CUX1: variants seen among roughly 807,000 people sequenced by gnomAD.
The protein encoded by CUX1 is cut like homeobox 1, also known as protein CASP.
CUX1 carries 31 observed loss-of-function variants against 158.8 expected under a neutral mutation model. The observed-to-expected ratio is 0.20, with a 90% CI of 0.15 to 0.26. The LOEUF (loss-of-function observed/expected upper bound fraction) is 0.26. CUX1 is among the 10% of genes least tolerant of loss of function. CUX1 has a pLI of 1.00. For missense variants in CUX1, 1,589 were observed against 2,014.6 expected, an observed-to-expected ratio of 0.79 and a Z score of 4.04; for synonymous variants, 879 against 862.1, an observed-to-expected ratio of 1.02 and a Z score of -0.34.
chr7:101,994,558 G>C (rs900063978), intron 2 of CUX1, among the ~76,000 whole-genome samples: 2 of 152,172 alleles, frequency 1.3e-5, no homozygotes, highest in South Asian at 2.1e-4. Context: ...CCAAGATTGT[G>C]CCATTGCACT....
chr7:102,016,578 C>T lies in CUX1; in HGVS notation c.142-11520C>T, dbSNP rs373304675. ...ACTGAGCCATGACCACACCCCTGCACTCCAGCCTGGACGACAGAGCGAGAC... is the reference window on the plus strand; with the variant it reads ...ACTGAGCCATGACCACACCCCTGCATTCCAGCCTGGACGACAGAGCGAGAC... On this transcript the variant is annotated intron_variant, in intron 2 of 23. Coordinates refer to ENST00000292535, the MANE Select transcript of CUX1 (RefSeq NM_181552.4). 4.6e-5 allele frequency among the ~76,000 whole-genome samples: 7 copies of T among 152,330 alleles called. No individual in the cohort carries two copies. In the East Asian group the frequency reaches 1.3e-3, roughly 29 times the overall value.
At chr7:102,058,482 G>A (rs1285772188) in intron 3 of CUX1, among the ~76,000 whole-genome samples, 1 of 151,362 alleles carries the variant, frequency 6.6e-6, no homozygotes, top group Non-Finnish European at 1.5e-5. Context: ...AGGGTTTCAC[G>A]ATGGTGGCCA....
intron 21 of CUX1, among the ~76,000 whole-genome samples, chr7:102,231,142 G>A (rs1310236919): frequency 6.7e-6 from 1 of 150,024 alleles, no homozygotes; most frequent in Non-Finnish European, 1.5e-5. Flanking sequence ...CCATTCTCCT[G>A]CCTCAGCCTC....
intron 1 of CUX1, among the ~76,000 whole-genome samples, chr7:101,892,988 A>G (rs1256100803): frequency 1.3e-5 from 2 of 152,064 alleles, no homozygotes; most frequent in Non-Finnish European, 2.9e-5. Context: ...TTCTATTACT[A>G]GAAAATAACT....
intron 2 of CUX1, among the ~76,000 whole-genome samples, chr7:101,973,900 C>G (rs1430676543): frequency 6.6e-6 from 1 of 151,528 alleles, no homozygotes; most frequent in Non-Finnish European, 1.5e-5. Flanking sequence ...TCCCGAGTAG[C>G]TGGGATTACA....
At chr7:102,014,874 AG>A (rs1427541611) in intron 2 of CUX1, among the ~76,000 whole-genome samples, 31 of 150,658 alleles carry the variant, frequency 2.1e-4, no homozygotes, top group African/African-American at 7.5e-4. Flanking sequence ...AAAAAAAAAA[AG>A]AAAAAAAGCA....
At chr7:101,848,218 T>C (rs1025276326) in intron 1 of CUX1, among the ~76,000 whole-genome samples, 1 of 152,184 alleles carries the variant, frequency 6.6e-6, no homozygotes, top group African/African-American at 2.4e-5. Flanking sequence ...TTATTTCTTT[T>C]ATGCTTTTTC....
rs1269409797 is a variant in CUX1, at chr7:101,916,859, C to T, written c.141+634C>T. Among the ~76,000 whole-genome samples, 2 of 151,936 alleles carry T rather than the reference C, an allele frequency of 1.3e-5. No homozygotes were observed. Among genetic ancestry groups the T allele is most frequent in the South Asian group, 2.1e-4 (1 of 4,804 alleles). On this transcript the variant is annotated intron_variant, in intron 2 of 23. Transcript: ENST00000292535. This position sits in a 1 kb window ranked among gnomAD's most constrained non-coding sequence, Gnocchi z 4.4. ...GTTGCTGGGGTGGCGTTTTTCTGCT[C>T]GTTTCCTGGCCCCTTCTTCCTTCCC...
chr7:102,017,393 A>G (rs6465843), intron 2 of CUX1, among the ~76,000 whole-genome samples: 64,129 of 151,510 alleles, frequency 0.42, 14,215 homozygotes, highest in Non-Finnish European at 0.46. Context: ...ACCTAGCACC[A>G]TCCTTTGGCC....
In CUX1 at chr7:101,998,904, C is replaced by T. The variant is rs370054673; in HGVS notation, c.142-29194C>T. 5.3e-5 allele frequency among the ~76,000 whole-genome samples: 8 copies of T among 152,334 alleles called. No individual in the cohort carries two copies. In the East Asian group the frequency reaches 7.7e-4, roughly 15 times the overall value. On this transcript the variant is annotated intron_variant, in intron 2 of 23. Transcript: ENST00000292535. Reference sequence around the variant, plus strand: ...ACAGGCCCCTGAGCCCCCAGGTTCACGGCTGGGCTTTGAAGCAGGAGTTTC... The same window carrying T: ...ACAGGCCCCTGAGCCCCCAGGTTCATGGCTGGGCTTTGAAGCAGGAGTTTC...
intron 1 of CUX1, among the ~76,000 whole-genome samples, chr7:101,897,856 G>A (rs10259103): frequency 0.21 from 32,504 of 152,094 alleles, 5,235 homozygotes; most frequent in East Asian, 0.84. Flanking sequence ...GACTTGATGT[G>A]AGTGGCAAGT....
intron 3 of CUX1, among the ~76,000 whole-genome samples, chr7:102,063,873 G>T (rs555167466): frequency 5.3e-5 from 8 of 152,332 alleles, no homozygotes; most frequent in Non-Finnish European, 1.2e-4. Flanking sequence ...AGTTTTCCAG[G>T]AATTCAGTAT....
At chr7:101,920,831 A>C (rs908856423) in intron 2 of CUX1, among the ~76,000 whole-genome samples, 1 of 152,100 alleles carries the variant, frequency 6.6e-6, no homozygotes, top group African/African-American at 2.4e-5. Flanking sequence ...TAGGCGGTGG[A>C]GTGTTTCTAG....
chr7:101,864,186 G>C (rs1797734105), intron 1 of CUX1, among the ~76,000 whole-genome samples: 1 of 151,454 alleles, frequency 6.6e-6, no homozygotes, highest in Non-Finnish European at 1.5e-5. Flanking sequence ...TTGGAGACAG[G>C]ATCTCACTGT....
At chr7:101,824,021 A>G (rs1296350590) in intron 1 of CUX1, among the ~76,000 whole-genome samples, 2 of 152,192 alleles carry the variant, frequency 1.3e-5, no homozygotes, top group Non-Finnish European at 2.9e-5. Context: ...TTTCTCCCTA[A>G]TGAATTGCCA....
intron 21 of CUX1, among the ~76,000 whole-genome samples, 194 bp downstream of exon 21, chr7:102,227,863 A>G (rs1372578877): frequency 6.7e-6 from 1 of 148,940 alleles, no homozygotes; most frequent in African/African-American, 2.5e-5. Flanking sequence ...CCTCCTCCCC[A>G]CCCTGCACCC....
At chr7:102,196,236 G>A (rs1256151519) in intron 14 of CUX1, among the ~76,000 whole-genome samples, 2 of 152,364 alleles carry the variant, frequency 1.3e-5, no homozygotes, top group Non-Finnish European at 1.5e-5. Context: ...AGAGGTGCGA[G>A]CGAATCCATT....
chr7:102,108,803 G>A (rs2131042861), intron 6 of CUX1, among the ~76,000 whole-genome samples: 1 of 149,086 alleles, frequency 6.7e-6, no homozygotes, highest in East Asian at 1.9e-4. Flanking sequence ...CACCTAGGCT[G>A]CAGTGCAGTG....
chr7:101,913,508 A>C, intron 1 of CUX1: 2 of 875,554 alleles, frequency 2.3e-6, no homozygotes, highest in Non-Finnish European at 3.0e-6. Context: ...CTGACAGATC[A>C]GCCCAGGGAG....
Sources: allele counts gnomAD v4.1 joint callset (sites outside exome capture counted in the v4.1 genomes callset), GRCh38; gene constraint gnomAD v4.1.1; non-coding constraint Gnocchi (gnomAD v3.1); transcripts MANE v1.5; gene names NCBI Gene and HGNC (gene_info 2026-07-23, HGNC 2026-07-21).